The following SHISA6 variants were observed in gnomAD, a reference collection of about 807,000 sequenced individuals.
The protein encoded by SHISA6 is protein shisa-6.
SHISA6 carries 22 observed loss-of-function variants against 47.9 expected under a neutral mutation model. The ratio of observed to expected loss-of-function variants is 0.46; its 90% CI spans 0.33 to 0.66. The LOEUF (loss-of-function observed/expected upper bound fraction) is 0.66, where lower values mean the gene tolerates loss of function less well. SHISA6 is among the 30% of genes least tolerant of loss of function. The pLI is 0.02. For missense variants in SHISA6, 680 were observed against 764.6 expected (o/e 0.89, Z 1.30); for synonymous variants, 388 against 337.8 (o/e 1.15, Z -1.63).
intron 3 of SHISA6, among the ~76,000 whole-genome samples, chr17:11,492,019 T>G (rs1045994642): frequency 6.6e-6 from 1 of 152,144 alleles, no homozygotes; most frequent in Non-Finnish European, 1.5e-5. Flanking sequence ...TCCACCCTCC[T>G]TGGCCTCCCA....
intron 2 of SHISA6, among the ~76,000 whole-genome samples, chr17:11,316,411 CTCTCTCTCTT>C (rs1910520465): frequency 3.0e-5 from 2 of 67,108 alleles, no homozygotes; most frequent in South Asian, 9.5e-4. Flanking sequence ...CTCTCTCTCT[CTCTCTCTCTT>C]TTTTTTTTTT....
chr17:11,476,681 A>G (rs2969220), intron 3 of SHISA6, among the ~76,000 whole-genome samples: 150,244 of 151,850 alleles, frequency 0.99, 74,329 homozygotes, highest in East Asian at 1. Context: ...GGCCCAGAAT[A>G]TGGTCTATCT....
chr17:11,272,236 G>A (rs1411104073), intron 2 of SHISA6, among the ~76,000 whole-genome samples: 1 of 152,110 alleles, frequency 6.6e-6, no homozygotes, highest in East Asian at 1.9e-4. Context: ...CTCACTCTCT[G>A]TCTTCTATAG....
intron 2 of SHISA6, among the ~76,000 whole-genome samples, chr17:11,365,649 G>T (rs1348323186): frequency 6.6e-6 from 1 of 152,134 alleles, no homozygotes; most frequent in East Asian, 1.9e-4. Context: ...TAATAATATT[G>T]AGAGAAGTTC....
At chr17:11,320,246 G>A (rs544877362) in intron 2 of SHISA6, among the ~76,000 whole-genome samples, 1 of 152,192 alleles carries the variant, frequency 6.6e-6, no homozygotes, top group Non-Finnish European at 1.5e-5. Flanking sequence ...AGATAGCTTT[G>A]ATGCTTAACA....
intron 2 of SHISA6, among the ~76,000 whole-genome samples, chr17:11,297,906 G>T (rs1271170749): frequency 1.3e-5 from 2 of 152,148 alleles, no homozygotes; most frequent in Admixed American, 6.5e-5. Flanking sequence ...TGGAGGGTTT[G>T]TTTATCTGGT....
At chr17:11,315,853 C>G (rs781322857) in intron 2 of SHISA6, among the ~76,000 whole-genome samples, 15 of 152,110 alleles carry the variant, frequency 9.9e-5, no homozygotes, top group Non-Finnish European at 1.9e-4. Context: ...ACATAGAGTT[C>G]TGAGATTTCC....
In SHISA6 at chr17:11,476,672, G is replaced by C. The variant is rs562122770; in HGVS notation, c.896-75224G>C. 7.9e-5 allele frequency among the ~76,000 whole-genome samples: 12 copies of C among 151,594 alleles called. No homozygotes were observed. In the South Asian group the frequency reaches 2.5e-3, roughly 32 times the overall value. On this transcript the variant is annotated intron_variant, in intron 3 of 5. Transcript: ENST00000441885. ...TAAATTCATTAAGGCATATTTCCTGGCCCAGAATATGGTCTATCTTGGTGA... is the reference window on the plus strand; with the variant it reads ...TAAATTCATTAAGGCATATTTCCTGCCCCAGAATATGGTCTATCTTGGTGA...
At chr17:11,361,032 G>T (rs1912259301) in intron 2 of SHISA6, among the ~76,000 whole-genome samples, 1 of 77,830 alleles carries the variant, frequency 1.3e-5, no homozygotes. Flanking sequence ...AGTTTACTAT[G>T]ATCTTTTTTC....
At chr17:11,399,004 GGAGTGGAAA>G (rs1913674459) in intron 3 of SHISA6, among the ~76,000 whole-genome samples, 1 of 151,958 alleles carries the variant, frequency 6.6e-6, no homozygotes, top group Non-Finnish European at 1.5e-5. Flanking sequence ...GATTGTAGCA[GGAGTGGAAA>G]GATCACTTGC....
At chr17:11,361,377 T>C (rs1379146786) in intron 2 of SHISA6, among the ~76,000 whole-genome samples, 1 of 152,264 alleles carries the variant, frequency 6.6e-6, no homozygotes, top group African/African-American at 2.4e-5. Flanking sequence ...TTACATTTAA[T>C]AATTTAGAAA....
intron 2 of SHISA6, among the ~76,000 whole-genome samples, chr17:11,274,822 T>C (rs1182981142): frequency 6.6e-6 from 1 of 152,136 alleles, no homozygotes; most frequent in Non-Finnish European, 1.5e-5. Context: ...TCCAGAATTA[T>C]AGGCCACATG....
At chr17:11,308,190 C>T (rs1172163665) in intron 2 of SHISA6, among the ~76,000 whole-genome samples, 1 of 152,184 alleles carries the variant, frequency 6.6e-6, no homozygotes, top group Non-Finnish European at 1.5e-5. Flanking sequence ...GAGGGACGAA[C>T]CATCTGCCCT....
At chr17:11,258,501 T>C (rs1175694840) in intron 1 of SHISA6, among the ~76,000 whole-genome samples, 1 of 152,214 alleles carries the variant, frequency 6.6e-6, no homozygotes. Flanking sequence ...GTTCAGCGAA[T>C]GAAGATTGGG....
chr17:11,294,232 A>G (rs1567563534), intron 2 of SHISA6, among the ~76,000 whole-genome samples: 1 of 152,002 alleles, frequency 6.6e-6, no homozygotes, highest in Non-Finnish European at 1.5e-5. Flanking sequence ...AGCTCGAATG[A>G]CTCCAACAAA....
At chr17:11,465,724 C>A (rs368985769) in intron 3 of SHISA6, among the ~76,000 whole-genome samples, 2 of 152,196 alleles carry the variant, frequency 1.3e-5, no homozygotes, top group East Asian at 3.9e-4. Context: ...TGTGGTGCAG[C>A]AGTGGGGGTG....
rs115757764 is a variant in SHISA6, at chr17:11,256,072, A to G, written c.639-7294A>G. 6.2e-3 allele frequency among the ~76,000 whole-genome samples: 944 copies of G among 152,342 alleles called. 6 individuals carry two copies. The highest frequency in any genetic ancestry group is 0.022 in the African/African-American group (897 of 41,576). On this transcript the variant is annotated intron_variant, in intron 1 of 5. Coordinates refer to ENST00000441885, the MANE Select transcript of SHISA6 (RefSeq NM_207386.4). Reference sequence around the variant, plus strand: ...TACGGGACACTTAAGTAGCTTGCTAACAACCGCCAAGTGGCCAGCATTCCA... The same window carrying G: ...TACGGGACACTTAAGTAGCTTGCTAGCAACCGCCAAGTGGCCAGCATTCCA...
At chr17:11,329,531 A>G (rs1364284880) in intron 2 of SHISA6, among the ~76,000 whole-genome samples, 1 of 152,084 alleles carries the variant, frequency 6.6e-6, no homozygotes, top group Admixed American at 6.6e-5. Context: ...TCCAGAAAAT[A>G]AGAAGGGGAT....
chr17:11,405,262 T>G (rs79415517), intron 3 of SHISA6, among the ~76,000 whole-genome samples: 3,369 of 152,246 alleles, frequency 0.022, 61 homozygotes, highest in Admixed American at 0.044. Context: ...AAGATTTTGA[T>G]CCAGTAGGTC....
Sources: allele counts gnomAD v4.1 joint callset (sites outside exome capture counted in the v4.1 genomes callset), GRCh38; gene constraint gnomAD v4.1.1; transcripts MANE v1.5; gene names NCBI Gene and HGNC (gene_info 2026-07-23, HGNC 2026-07-21).